Variants in ELF2 observed in about 807,000 individuals in gnomAD.
The protein encoded by ELF2 is E74 like ETS transcription factor 2.
ELF2 carries 11 observed loss-of-function variants against 54.8 expected under a neutral mutation model. That is an observed-to-expected ratio of 0.20 (90% CI 0.13 to 0.33). The LOEUF is 0.33. Among genes scored for constraint, ELF2 ranks in the 10% least tolerant of loss-of-function variants. The probability of loss-of-function intolerance (pLI) is 1.00; values close to 1 mark genes in which losing one functional copy is unlikely to be tolerated. For missense variants in ELF2, 513 were observed against 703.0 expected, an observed-to-expected ratio of 0.73 and a Z score of 3.06; for synonymous variants, 203 against 245.1, an observed-to-expected ratio of 0.83 and a Z score of 1.61.
At chr4:139,160,432 A>G (rs1741016437) in intron 1 of ELF2, among the ~76,000 whole-genome samples, 1 of 152,240 alleles carries the variant, frequency 6.6e-6, no homozygotes, top group Admixed American at 6.5e-5. Context: ...TACAAGTAAT[A>G]TGTAATCCTG....
chr4:139,109,697 TG>T (rs377279267), intron 4 of ELF2, among the ~76,000 whole-genome samples: 23 of 152,206 alleles, frequency 1.5e-4, no homozygotes, highest in African/African-American at 5.6e-4. Flanking sequence ...TGTAGCAACA[TG>T]GAACAGCCGG....
chr4:139,104,508 C>CAAAAAAAAA (rs34642901), intron 4 of ELF2, among the ~76,000 whole-genome samples: 3 of 76,882 alleles, frequency 3.9e-5, no homozygotes, highest in Admixed American at 1.4e-4. Flanking sequence ...GACTCTGTCT[C>CAAAAAAAAA]AAAAAAAAAA....
At chr4:139,123,390 C>T (rs1379217974) in intron 4 of ELF2, among the ~76,000 whole-genome samples, 1 of 152,124 alleles carries the variant, frequency 6.6e-6, no homozygotes, top group Non-Finnish European at 1.5e-5. Context: ...TTCCCATATC[C>T]TCCTTTTCAC....
chr4:139,143,506 G>C (rs1457755556), intron 1 of ELF2, among the ~76,000 whole-genome samples: 2 of 152,162 alleles, frequency 1.3e-5, no homozygotes, highest in African/African-American at 4.8e-5. Flanking sequence ...CATTTGGCTG[G>C]GCACAGTGGC....
intron 1 of ELF2, among the ~76,000 whole-genome samples, chr4:139,161,168 T>C (rs763952579): frequency 1.3e-5 from 2 of 152,146 alleles, no homozygotes; most frequent in Non-Finnish European, 2.9e-5. Context: ...GATAAGTGAG[T>C]GCTTACATAA....
intron 1 of ELF2, among the ~76,000 whole-genome samples, chr4:139,156,016 T>C (rs539158950): frequency 2.1e-4 from 32 of 152,288 alleles, no homozygotes; most frequent in South Asian, 1.2e-3. Flanking sequence ...AAGAGGCTAA[T>C]TGGAAAGTGA....
intron 4 of ELF2, among the ~76,000 whole-genome samples, chr4:139,081,538 T>C (rs1410342953): frequency 6.6e-6 from 1 of 152,232 alleles, no homozygotes; most frequent in East Asian, 1.9e-4. Flanking sequence ...TTTACATTTA[T>C]ACATTATATA....
rs1342056863 is a variant in ELF2 at position 139,084,048 on chromosome 4, A to C, written c.239-10481T>G. On this transcript the variant is annotated intron_variant, in intron 4 of 9. Coordinates refer to ENST00000686138, the MANE Select transcript of ELF2 (RefSeq NM_001331036.3). ...GGTGGACACTGTACCCCCAGCACAGACTGCTACAGGGGAGTCACCCCGCCT... is the reference window on the plus strand; with the variant it reads ...GGTGGACACTGTACCCCCAGCACAGCCTGCTACAGGGGAGTCACCCCGCCT... 1.4e-5 allele frequency: 22 copies of C among 1,602,828 alleles called. No individual in the cohort carries two copies. The East Asian group carries it at 4.9e-4, about 36-fold the overall frequency.
At chr4:139,157,127 C>G (rs1756509632) in intron 1 of ELF2, among the ~76,000 whole-genome samples, 1 of 152,160 alleles carries the variant, frequency 6.6e-6, no homozygotes, top group African/African-American at 2.4e-5. Context: ...ACCTAGGCTA[C>G]ACAATATGGC....
At chr4:139,148,636 C>T (rs1009260069) in intron 1 of ELF2, among the ~76,000 whole-genome samples, 5 of 151,780 alleles carry the variant, frequency 3.3e-5, no homozygotes, top group Admixed American at 3.3e-4. Flanking sequence ...TCCACCGATG[C>T]ACATTTGAGA....
intron 1 of ELF2, among the ~76,000 whole-genome samples, chr4:139,146,958 T>C (rs369704809): frequency 1.3e-5 from 2 of 152,160 alleles, no homozygotes; most frequent in Admixed American, 6.5e-5. Context: ...CTTCTGGACA[T>C]TGGCCTAGGC....
chr4:139,118,734 A>G (rs1295958401), intron 4 of ELF2, among the ~76,000 whole-genome samples: 2 of 152,170 alleles, frequency 1.3e-5, no homozygotes, highest in African/African-American at 4.8e-5. Flanking sequence ...CAAGAGACAT[A>G]AACAAAGTTA....
chr4:139,107,298 G>A (rs1167155426), intron 4 of ELF2, among the ~76,000 whole-genome samples: 1 of 152,142 alleles, frequency 6.6e-6, no homozygotes, highest in Non-Finnish European at 1.5e-5. Flanking sequence ...CCCTCTGAGT[G>A]ATAGGCCTCT....
chr4:139,155,002 A>G (rs182758285), intron 1 of ELF2, among the ~76,000 whole-genome samples: 6 of 152,140 alleles, frequency 3.9e-5, no homozygotes, highest in South Asian at 2.1e-4. Context: ...GCACAAACCT[A>G]CCTCCCAGAT....
chr4:139,058,865 T>C lies in ELF2; in HGVS notation c.*118A>G. 1 of 1,373,424 alleles carries C rather than the reference T, an allele frequency of 7.3e-7. No homozygotes were observed. The highest frequency in any genetic ancestry group is 9.8e-7 in the Non-Finnish European group (1 of 1,023,676). The allele number at this position is 1,373,424 out of a possible 1,614,324, so 85.1% of individuals were successfully genotyped here. On this transcript the variant is annotated 3_prime_UTR_variant, in exon 10 of 10. Transcript: ENST00000686138. ...TTATTTCCAGTAAGTCTGATTGTTTTTGTATATGCATTAAAAATGTTTTAA... is the reference window on the plus strand; with the variant it reads ...TTATTTCCAGTAAGTCTGATTGTTTCTGTATATGCATTAAAAATGTTTTAA...
At position 139,060,634 on chromosome 4, in the gene ELF2, G is replaced by C; in HGVS notation, c.847C>G (p.Gln283Glu). 6.2e-7 allele frequency: 1 copy of C among 1,607,204 alleles called. No individual in the cohort carries two copies. The highest frequency in any genetic ancestry group is 8.5e-7 in the Non-Finnish European group (1 of 1,176,480). ...QRGILAKVEG[Q>E]RLVYQFKDMP... Reference sequence around the variant, plus strand: ...TCCTTGAACTGATATACAAGCCTCTGTCCTTCAACCTTTGCAAGAATTCCC... The same window carrying C: ...TCCTTGAACTGATATACAAGCCTCTCTCCTTCAACCTTTGCAAGAATTCCC... The change falls in exon 9 of 10, where the codon CAG becomes GAG. Residue 283 changes from glutamine (Q) to glutamate (E), a missense_variant. Transcript: ENST00000686138.
At chr4:139,081,149 C>T (rs1731057234) in intron 4 of ELF2, among the ~76,000 whole-genome samples, 1 of 152,116 alleles carries the variant, frequency 6.6e-6, no homozygotes. Flanking sequence ...AAGGCTCGTT[C>T]TCATACATCA....
At chr4:139,153,606 CA>C (rs755215275) in intron 1 of ELF2, among the ~76,000 whole-genome samples, 8 of 152,120 alleles carry the variant, frequency 5.3e-5, no homozygotes, top group Non-Finnish European at 8.8e-5. Context: ...GATACCTCAC[CA>C]GGGGGCCTCT....
At chr4:139,093,358 T>C (rs1732889846) in intron 4 of ELF2, among the ~76,000 whole-genome samples, 1 of 152,256 alleles carries the variant, frequency 6.6e-6, no homozygotes, top group African/African-American at 2.4e-5. Flanking sequence ...TGAATATTTT[T>C]TATGCAAATT....
Sources: allele counts gnomAD v4.1 joint callset (sites outside exome capture counted in the v4.1 genomes callset), GRCh38; gene constraint gnomAD v4.1.1; transcripts MANE v1.5; gene names NCBI Gene and HGNC (gene_info 2026-07-23, HGNC 2026-07-21).